Variants in DCC observed in about 807,000 individuals in gnomAD.
DCC encodes the protein netrin receptor DCC.
DCC carries 58 observed loss-of-function variants against 172.5 expected under a neutral mutation model. The observed-to-expected ratio is 0.34, with a 90% CI of 0.27 to 0.42. The LOEUF (loss-of-function observed/expected upper bound fraction) is 0.42, where lower values mean the gene tolerates loss of function less well. DCC is among the 10% of genes least tolerant of loss of function. The pLI, the probability that DCC is intolerant of heterozygous loss-of-function variation, is 1.00. For synonymous variants in DCC, 709 were observed against 644.5 expected, an observed-to-expected ratio of 1.10 and a Z score of -1.52; for missense variants, 1,740 against 1,791.0, an observed-to-expected ratio of 0.97 and a Z score of 0.51.
rs759467506 is a variant in DCC, at chr18:52,871,198, G to A, written c.413-34846G>A. ...CATTTTCAGACTGGCCAGCTGACACGACCTCAAAATCATGCTTCAGGCCCA... is the reference window on the plus strand; with the variant it reads ...CATTTTCAGACTGGCCAGCTGACACAACCTCAAAATCATGCTTCAGGCCCA... On this transcript the variant is annotated intron_variant, in intron 2 of 28. Transcript: ENST00000442544. Among the ~76,000 whole-genome samples, 28 of 152,218 alleles carry A rather than the reference G, an allele frequency of 1.8e-4. No homozygotes were observed. In the East Asian group the frequency reaches 2.9e-3, roughly 16 times the overall value.
chr18:53,442,482 G>T (rs1912334429), intron 22 of DCC, among the ~76,000 whole-genome samples: 1 of 152,074 alleles, frequency 6.6e-6, no homozygotes, highest in South Asian at 2.1e-4. Flanking sequence ...TGTTCCAGCT[G>T]CCCCACCAAC....
chr18:52,997,850 C>G (rs73956754), intron 5 of DCC, among the ~76,000 whole-genome samples: 1 of 151,864 alleles, frequency 6.6e-6, no homozygotes, highest in African/African-American at 2.4e-5. Flanking sequence ...CTTTCTAGAA[C>G]GCTTTCTCCC....
At chr18:53,151,446 G>GT (rs1355952834) in intron 7 of DCC, among the ~76,000 whole-genome samples, 2 of 152,176 alleles carry the variant, frequency 1.3e-5, no homozygotes, top group Middle Eastern at 3.4e-3. Flanking sequence ...AGCTTCATGC[G>GT]TAACAGTAGG....
At chr18:52,783,552 T>C (rs1360163066) in intron 2 of DCC, among the ~76,000 whole-genome samples, 1 of 151,732 alleles carries the variant, frequency 6.6e-6, no homozygotes, top group East Asian at 1.9e-4. Context: ...AAAGACATTG[T>C]AGTGTTTAAA....
At chr18:52,672,832 C>G (rs1335516032) in intron 1 of DCC, among the ~76,000 whole-genome samples, 3 of 152,108 alleles carry the variant, frequency 2.0e-5, no homozygotes, top group Non-Finnish European at 2.9e-5. Flanking sequence ...CTTTGGGAGG[C>G]AAAGGCAAGA....
At chr18:52,864,672 A>G (rs1196692106) in intron 2 of DCC, among the ~76,000 whole-genome samples, 1 of 152,014 alleles carries the variant, frequency 6.6e-6, no homozygotes, top group Non-Finnish European at 1.5e-5. Flanking sequence ...TCCTAATGCT[A>G]TCCTTCCCCA....
chr18:52,628,362 T>A (rs571005518), intron 1 of DCC, among the ~76,000 whole-genome samples: 105 of 152,364 alleles, frequency 6.9e-4, no homozygotes, highest in African/African-American at 2.3e-3. Flanking sequence ...TAGCATCCAA[T>A]GTGTCTTTCA....
chr18:53,040,628 G>T (rs551699080), intron 5 of DCC, among the ~76,000 whole-genome samples: 1 of 151,974 alleles, frequency 6.6e-6, no homozygotes. Flanking sequence ...TGGCCCAGGC[G>T]TGGGAGTTAT....
At chr18:52,426,453 A>G (rs1487827046) in intron 1 of DCC, among the ~76,000 whole-genome samples, 1 of 152,000 alleles carries the variant, frequency 6.6e-6, no homozygotes, top group Non-Finnish European at 1.5e-5. Context: ...AGTTATATCT[A>G]GAAAACTGTG....
At chr18:53,331,077 T>C (rs1359154691) in intron 14 of DCC, among the ~76,000 whole-genome samples, 4 of 152,330 alleles carry the variant, frequency 2.6e-5, no homozygotes, top group East Asian at 1.9e-4. Context: ...ATAAATGAGC[T>C]AGAAACATCC....
chr18:53,322,249 T>C (rs2057420213), intron 14 of DCC, 92 bp downstream of exon 14: 1 of 751,870 alleles, frequency 1.3e-6, no homozygotes, highest in African/African-American at 1.7e-5. Flanking sequence ...ACTCCAACTT[T>C]GGGGACATTG....
intron 5 of DCC, among the ~76,000 whole-genome samples, chr18:53,018,180 A>G (rs184800834): frequency 7.6e-4 from 116 of 152,312 alleles, no homozygotes; most frequent in African/African-American, 2.8e-3. Flanking sequence ...AATAATAAGA[A>G]GTTACAAAAG....
chr18:53,221,542 T>C (rs890542315), intron 12 of DCC, among the ~76,000 whole-genome samples: 1 of 152,094 alleles, frequency 6.6e-6, no homozygotes, highest in Non-Finnish European at 1.5e-5. Flanking sequence ...TGTGGGAATG[T>C]GAGAGAAAAT....
intron 1 of DCC, among the ~76,000 whole-genome samples, chr18:52,539,928 T>C (rs922304789): frequency 6.6e-6 from 1 of 152,188 alleles, no homozygotes; most frequent in African/African-American, 2.4e-5. Flanking sequence ...AATTTAGGTA[T>C]CACTAGGTAA....
chr18:52,678,336 G>A (rs974007757), intron 1 of DCC, among the ~76,000 whole-genome samples: 6 of 152,104 alleles, frequency 3.9e-5, no homozygotes, highest in African/African-American at 1.2e-4. Context: ...CAGCCTCATG[G>A]TCTTTGGGGT....
At chr18:53,091,856 T>TATCCATCA (rs1555710016) in intron 7 of DCC, among the ~76,000 whole-genome samples, 1 of 103,610 alleles carries the variant, frequency 9.7e-6, no homozygotes, top group South Asian at 4.1e-4. Flanking sequence ...TCTATCAATC[T>TATCCATCA]ATCTATATAT....
chr18:52,923,656 T>C, intron 3 of DCC, 51 bp from the exon 4 acceptor site: 1 of 1,370,436 alleles, frequency 7.3e-7, no homozygotes, highest in South Asian at 1.2e-5. Flanking sequence ...ATATCATTTA[T>C]CTTTGCAATG....
rs868139681 is a variant in DCC, at chr18:53,048,668, A to G, written c.986-14637A>G. On this transcript the variant is annotated intron_variant, in intron 5 of 28. Coordinates refer to ENST00000442544, the MANE Select transcript of DCC (RefSeq NM_005215.4). ...TATATACACATTCTTTTATATATGTATATATGATATATATATATACCTATT... is the reference window on the plus strand; with the variant it reads ...TATATACACATTCTTTTATATATGTGTATATGATATATATATATACCTATT... Among the ~76,000 whole-genome samples the G allele has an allele frequency of 7.3e-5, 11 of 151,086 alleles. No individual in the cohort carries two copies. The East Asian group carries it at 2.1e-3, about 29-fold the overall frequency.
intron 5 of DCC, among the ~76,000 whole-genome samples, chr18:52,937,793 G>T (rs1024862149): frequency 6.6e-6 from 1 of 151,962 alleles, no homozygotes; most frequent in African/African-American, 2.4e-5. Context: ...TGTGACTTTT[G>T]TCTTAAATTC....
Sources: gnomAD v4.1 joint callset for allele counts (sites outside exome capture counted in the v4.1 genomes callset) on GRCh38, gnomAD v4.1.1 for gene constraint, MANE v1.5 for transcripts, NCBI Gene and HGNC (gene_info 2026-07-23, HGNC 2026-07-21) for gene names.